Variants in CTBP2 observed in about 807,000 individuals in gnomAD.
CTBP2 encodes C-terminal-binding protein 2.
A neutral mutation model predicts 80.3 loss-of-function variants in CTBP2; 30 were observed. The observed-to-expected ratio is 0.37, with a 90% CI of 0.28 to 0.51. CTBP2 has a LOEUF of 0.51. Ranked by LOEUF, CTBP2 falls within the 20% of genes least tolerant of loss-of-function variation. The pLI is 0.93. For missense variants in CTBP2, 1,212 were observed against 1,375.3 expected (o/e 0.88, Z 1.88); for synonymous variants, 594 against 587.4 (o/e 1.01, Z -0.16).
intron 2 of CTBP2, among the ~76,000 whole-genome samples, chr10:125,050,988 T>C (rs1962611912): frequency 1.3e-5 from 2 of 152,218 alleles, no homozygotes; most frequent in Non-Finnish European, 2.9e-5. Context: ...GTCACCTATG[T>C]GGAGAATTAC....
In CTBP2 at chr10:125,026,697, G is replaced by A; in HGVS notation, c.1063C>T (p.Leu355=). ...GGGCCCCCCCGGTCCTGCCTCCGCAGCTGCATTTCGGTCCTGCAGCTATTG... is the reference window on the plus strand; with the variant it reads ...GGGCCCCCCCGGTCCTGCCTCCGCAACTGCATTTCGGTCCTGCAGCTATTG... The change falls in exon 1 of 9, where the codon CTG becomes TTG. Residue 355 remains leucine, a synonymous_variant. Transcript: ENST00000309035. The A allele has an allele frequency of 6.2e-7, 1 of 1,612,042 alleles. No homozygotes were observed. The highest frequency in any genetic ancestry group is 8.5e-7 in the Non-Finnish European group (1 of 1,179,588).
Position 124,987,879 on chromosome 10 carries a change from A to ATACT in CTBP2, c.*1638_*1639insAGTA, listed in dbSNP as rs2134028161. 6.6e-6 allele frequency: 1 copy of ATACT among 152,386 alleles called. No homozygotes were observed. The highest frequency in any genetic ancestry group is 2.1e-4 in the South Asian group (1 of 4,822). The allele number at this position is 152,386 out of a possible 1,614,324, so 9.4% of individuals were successfully genotyped here. A position where few individuals can be genotyped will look rare whatever the true frequency, so the allele number is the denominator to read the frequency against. On this transcript the variant is annotated 3_prime_UTR_variant, in exon 9 of 9. Coordinates refer to ENST00000309035, the MANE Select transcript of CTBP2 (RefSeq NM_022802.3). ...TTAGTATAAAGGTTTAATTCTATTT[A>ATACT]AAAAGAAGATCCATTAAATCAAGCT...
At position 125,135,350 on chromosome 10, in the gene CTBP2, A is replaced by G. The variant is rs995975259; in HGVS notation, c.-205-24257T>C. ...TTCCCATCTGAGGGCTCCGAAAAAA[A>G]TGTAAGGTCCCGGAATCCCTTGAGA... On this transcript the variant is annotated intron_variant, in intron 1 of 10. Transcript: ENST00000337195. Among the ~76,000 whole-genome samples, 5 of 152,152 alleles carry G rather than the reference A, an allele frequency of 3.3e-5. 1 individual carries two copies. The highest frequency in any genetic ancestry group is 3.3e-4 in the Admixed American group (5 of 15,284).
At chr10:125,147,984 C>A (rs1218697347) in intron 1 of CTBP2, among the ~76,000 whole-genome samples, 1 of 152,180 alleles carries the variant, frequency 6.6e-6, no homozygotes, top group Non-Finnish European at 1.5e-5. Context: ...TGAATCCTTA[C>A]AACACACCCT....
chr10:125,058,836 G>A (rs1262473326), intron 2 of CTBP2, among the ~76,000 whole-genome samples: 1 of 152,196 alleles, frequency 6.6e-6, no homozygotes, highest in Non-Finnish European at 1.5e-5. Flanking sequence ...GGTGGCTGCA[G>A]TGAACCAAGA....
At chr10:125,025,803 G>A (rs1169690372) in intron 1 of CTBP2, among the ~76,000 whole-genome samples, 1 of 151,798 alleles carries the variant, frequency 6.6e-6, no homozygotes, top group African/African-American at 2.4e-5. Context: ...ACACAGTTGA[G>A]TTTTACCACC....
intron 2 of CTBP2, among the ~76,000 whole-genome samples, chr10:125,108,809 G>A (rs1851855200): frequency 6.6e-6 from 1 of 152,260 alleles, no homozygotes; most frequent in Non-Finnish European, 1.5e-5. Flanking sequence ...CAGTGACCAT[G>A]CTCCAGTGAT....
chr10:125,007,016 G>A (rs1015278140), intron 1 of CTBP2, among the ~76,000 whole-genome samples: 1 of 152,224 alleles, frequency 6.6e-6, no homozygotes, highest in Admixed American at 6.5e-5. Flanking sequence ...CCCGTACCAC[G>A]GTGCGCAACC....
chr10:125,115,085 G>T lies in CTBP2; in HGVS notation c.-205-3992C>A, dbSNP rs113099949. Among the ~76,000 whole-genome samples, 408 of 152,278 alleles carry T rather than the reference G, an allele frequency of 2.7e-3. 2 individuals are homozygous for T. Among genetic ancestry groups the T allele is most frequent in the Non-Finnish European group, 4.6e-3 (312 of 68,026 alleles). ...GGATTCATCACCCCTGCTTCAAGGTGGGGCACCTCCTGCTGCCTCCTCTTG... is the reference window on the plus strand; with the variant it reads ...GGATTCATCACCCCTGCTTCAAGGTTGGGCACCTCCTGCTGCCTCCTCTTG... On this transcript the variant is annotated intron_variant, in intron 1 of 10. Transcript: ENST00000337195.
intron 1 of CTBP2, chr10:125,159,922 G>GCCA: frequency 6.5e-6 from 1 of 153,160 alleles, no homozygotes; most frequent in East Asian, 1.9e-4. Context: ...CGCCGCCGCC[G>GCCA]CCGCTGCCCT....
At chr10:125,005,796 G>GCGCACAA in intron 1 of CTBP2, 1 of 1,611,710 alleles carries the variant, frequency 6.2e-7, no homozygotes, top group African/African-American at 1.3e-5. Flanking sequence ...GGGCCTGGAA[G>GCGCACAA]TCCTGGTCTC....
chr10:125,142,378 C>T (rs1166939480), intron 1 of CTBP2, among the ~76,000 whole-genome samples: 2 of 152,134 alleles, frequency 1.3e-5, no homozygotes, highest in African/African-American at 2.4e-5. Flanking sequence ...AATTACTGGC[C>T]TCTCACACCA....
At chr10:125,004,297 G>A (rs1078044) in intron 1 of CTBP2, among the ~76,000 whole-genome samples, 21,664 of 152,212 alleles carry the variant, frequency 0.14, 1,955 homozygotes, top group African/African-American at 0.25. Flanking sequence ...CTACAGACGC[G>A]CATGCTTGCG....
At chr10:125,136,483 C>T (rs1368318771) in intron 1 of CTBP2, among the ~76,000 whole-genome samples, 2 of 152,250 alleles carry the variant, frequency 1.3e-5, no homozygotes, top group African/African-American at 2.4e-5. Context: ...ACCCTAACCC[C>T]TGGTGCCCAG....
At chr10:125,074,467 G>A (rs1845986953) in intron 2 of CTBP2, among the ~76,000 whole-genome samples, 1 of 152,198 alleles carries the variant, frequency 6.6e-6, no homozygotes, top group Non-Finnish European at 1.5e-5. Context: ...CGATTCTCCT[G>A]CCTCAGCCTC....
chr10:125,012,912 G>C (rs1225139597), intron 1 of CTBP2, among the ~76,000 whole-genome samples: 2 of 151,704 alleles, frequency 1.3e-5, no homozygotes, highest in East Asian at 1.9e-4. Context: ...GGACAAAAAG[G>C]GGCTCCCATA....
chr10:125,145,008 T>C (rs1340207841), intron 1 of CTBP2, among the ~76,000 whole-genome samples: 1 of 152,182 alleles, frequency 6.6e-6, no homozygotes, highest in Non-Finnish European at 1.5e-5. Context: ...TGCCTGGTAA[T>C]GTTGGAGGGT....
At chr10:125,021,153 G>T (rs1956998300) in intron 1 of CTBP2, among the ~76,000 whole-genome samples, 1 of 152,168 alleles carries the variant, frequency 6.6e-6, no homozygotes, top group Admixed American at 6.5e-5. Context: ...CAGTAGTCCA[G>T]TGTGAGAAGA....
At chr10:125,107,083 A>G (rs1396077870) in intron 2 of CTBP2, among the ~76,000 whole-genome samples, 3 of 152,232 alleles carry the variant, frequency 2.0e-5, no homozygotes, top group African/African-American at 4.8e-5. Context: ...ATTCCGAAGC[A>G]TAACTCACAT....
Sources: allele counts gnomAD v4.1 joint callset (sites outside exome capture counted in the v4.1 genomes callset), GRCh38; gene constraint gnomAD v4.1.1; transcripts MANE v1.5; gene names NCBI Gene and HGNC (gene_info 2026-07-23, HGNC 2026-07-21).